SAMD12: variants seen among roughly 807,000 people sequenced by gnomAD.
SAMD12 encodes the protein sterile alpha motif domain-containing protein 12.
A neutral mutation model predicts 15.0 loss-of-function variants in SAMD12; 9 were observed. The observed-to-expected ratio is 0.60, with a 90% CI of 0.36 to 1.05. The LOEUF is 1.05. Among genes scored for constraint, SAMD12 ranks in the 50% least tolerant of loss-of-function variants. The pLI, the probability that SAMD12 is intolerant of heterozygous loss-of-function variation, is 0.01. For synonymous variants in SAMD12, 86 were observed against 90.1 expected, an observed-to-expected ratio of 0.96 and a Z score of 0.25; for missense variants, 230 against 234.2, an observed-to-expected ratio of 0.98 and a Z score of 0.12.
At chr8:118,438,420 A>AT (rs1554663497) in intron 3 of SAMD12, among the ~76,000 whole-genome samples, 36,051 of 151,436 alleles carry the variant, frequency 0.24, 6,552 homozygotes, top group African/African-American at 0.51. Context: ...TTTAAAAAAA[A>AT]TTTTTTTTAA....
intron 4 of SAMD12, among the ~76,000 whole-genome samples, chr8:118,368,520 T>C (rs910402163): frequency 1.3e-5 from 2 of 152,158 alleles, no homozygotes; most frequent in African/African-American, 4.8e-5. Flanking sequence ...GCCCTTGCCA[T>C]TGTCTTTACT....
chr8:118,576,018 C>T (rs1827139593), intron 2 of SAMD12, among the ~76,000 whole-genome samples: 1 of 151,868 alleles, frequency 6.6e-6, no homozygotes, highest in South Asian at 2.1e-4. Flanking sequence ...GACTGAAGTC[C>T]TTGTCCACTC....
chr8:118,503,812 G>C (rs982648421), intron 2 of SAMD12, among the ~76,000 whole-genome samples: 7 of 152,040 alleles, frequency 4.6e-5, no homozygotes, highest in African/African-American at 1.7e-4. Flanking sequence ...ACTCAAAGCA[G>C]AACTAAAAGA....
chr8:118,550,379 T>C (rs1246204636), intron 2 of SAMD12, among the ~76,000 whole-genome samples: 1 of 152,226 alleles, frequency 6.6e-6, no homozygotes, highest in Admixed American at 6.5e-5. Context: ...ATATTCAACA[T>C]TCTTAAAGAA....
chr8:118,137,667 T>C, the SAMD12 span, among the ~76,000 whole-genome samples: 2 of 152,202 alleles, frequency 1.3e-5, no homozygotes, highest in African/African-American at 2.4e-5. Flanking sequence ...GCTGTGTCTT[T>C]ATGCTCTTTT....
chr8:118,309,890 A>G (rs1445802517), intron 4 of SAMD12, among the ~76,000 whole-genome samples: 4 of 152,220 alleles, frequency 2.6e-5, no homozygotes, highest in Non-Finnish European at 4.4e-5. Flanking sequence ...CTCTCAGCAT[A>G]TTCCTGTATC....
chr8:118,201,529 A>G (rs756858285), intron 4 of SAMD12, among the ~76,000 whole-genome samples: 1 of 152,208 alleles, frequency 6.6e-6, no homozygotes, highest in South Asian at 2.1e-4. Context: ...GGGTGATGCC[A>G]TGTCTTATTG....
At chr8:118,542,371 G>T (rs1826009079) in intron 2 of SAMD12, among the ~76,000 whole-genome samples, 6 of 152,142 alleles carry the variant, frequency 3.9e-5, no homozygotes, top group Admixed American at 3.9e-4. Flanking sequence ...TAACTATGAT[G>T]AAATGTCTTA....
chr8:118,430,488 G>A (rs987409626), intron 3 of SAMD12, among the ~76,000 whole-genome samples: 5 of 151,714 alleles, frequency 3.3e-5, no homozygotes, highest in Admixed American at 6.6e-5. Context: ...TCAGCCTCCC[G>A]AGTAGCTGGG....
chr8:118,589,298 A>C (rs1239143973), intron 1 of SAMD12, among the ~76,000 whole-genome samples: 1 of 152,208 alleles, frequency 6.6e-6, no homozygotes, highest in African/African-American at 2.4e-5. Context: ...CCAGACGTTC[A>C]AACCACATGC....
At chr8:118,283,113 C>T (rs898865793) in intron 4 of SAMD12, among the ~76,000 whole-genome samples, 1 of 147,472 alleles carries the variant, frequency 6.8e-6, no homozygotes, top group Non-Finnish European at 1.5e-5. Context: ...CATAGTACTT[C>T]TCTGGTACTT....
At position 118,528,278 on chromosome 8, in the gene SAMD12, C is replaced by T. The variant is rs910040911; in HGVS notation, c.192+52437G>A. On this transcript the variant is annotated intron_variant, in intron 2 of 3. Coordinates refer to ENST00000314727, the MANE Select transcript of SAMD12 (RefSeq NM_207506.3). ...AACTCCTGACCTCAGGTGATCTGCC[C>T]GCCTTGGCCTCCCAAAGTGCTGGGA... is the stretch of plus-strand genomic sequence containing the variant. Among the ~76,000 whole-genome samples, 9 of 152,134 alleles carry T rather than the reference C, an allele frequency of 5.9e-5. No individual in the cohort carries two copies. In the East Asian group the frequency reaches 7.7e-4, roughly 13 times the overall value.
At chr8:118,184,607 T>C (rs1194111817), downstream of SAMD12, among the ~76,000 whole-genome samples, 1 of 152,164 alleles carries the variant, frequency 6.6e-6, no homozygotes, top group Non-Finnish European at 1.5e-5. Flanking sequence ...GCAATTCTTG[T>C]GCCTCAGCCT....
At chr8:118,569,982 T>A (rs1178111522) in intron 2 of SAMD12, among the ~76,000 whole-genome samples, 1 of 152,236 alleles carries the variant, frequency 6.6e-6, no homozygotes, top group East Asian at 1.9e-4. Context: ...TTTTTCAGTT[T>A]AAGTGAGGAG....
intron 4 of SAMD12, among the ~76,000 whole-genome samples, chr8:118,248,917 A>C (rs1812757899): frequency 6.6e-6 from 1 of 152,132 alleles, no homozygotes; most frequent in Non-Finnish European, 1.5e-5. Flanking sequence ...AAAATACTAC[A>C]TAAACTAACA....
chr8:118,192,790 T>C (rs1819446059), exon 5 of SAMD12: 1 of 152,202 alleles, frequency 6.6e-6, no homozygotes, highest in Non-Finnish European at 1.5e-5. Flanking sequence ...CAGCCAATGG[T>C]AATTCAACAC....
At chr8:118,336,360 T>C (rs907626380) in intron 4 of SAMD12, among the ~76,000 whole-genome samples, 2 of 152,232 alleles carry the variant, frequency 1.3e-5, no homozygotes, top group Non-Finnish European at 2.9e-5. Flanking sequence ...GCATGGACAA[T>C]ACAACCTTTC....
At chr8:118,368,738 G>A (rs1270062971) in intron 4 of SAMD12, among the ~76,000 whole-genome samples, 3 of 152,100 alleles carry the variant, frequency 2.0e-5, no homozygotes, top group African/African-American at 4.8e-5. Context: ...GAGAGAAAAG[G>A]GCAACAATTA....
At chr8:118,383,581 T>C (rs560488780) in intron 3 of SAMD12, among the ~76,000 whole-genome samples, 160 of 152,282 alleles carry the variant, frequency 1.1e-3, no homozygotes, top group African/African-American at 3.7e-3. Flanking sequence ...CACCTTGCTC[T>C]GCGGTCCTCT....
Sources: allele counts gnomAD v4.1 joint callset (sites outside exome capture counted in the v4.1 genomes callset), GRCh38; gene constraint gnomAD v4.1.1; transcripts MANE v1.5; gene names NCBI Gene and HGNC (gene_info 2026-07-23, HGNC 2026-07-21).